DIAPH2: variants seen among roughly 807,000 people sequenced by gnomAD.
The protein encoded by DIAPH2 is protein diaphanous homolog 2.
DIAPH2 carries 35 observed loss-of-function variants against 92.7 expected under a neutral mutation model. The ratio of observed to expected loss-of-function variants is 0.38; its 90% CI spans 0.29 to 0.50. The LOEUF (loss-of-function observed/expected upper bound fraction) is 0.50. Ranked by LOEUF, DIAPH2 falls within the 20% of genes least tolerant of loss-of-function variation. DIAPH2 has a pLI of 0.94. For synonymous variants in DIAPH2, 301 were observed against 280.4 expected, an observed-to-expected ratio of 1.07 and a Z score of -0.73; for missense variants, 701 against 819.5, an observed-to-expected ratio of 0.86 and a Z score of 1.77.
chrX:97,260,288 C>T (rs1602458156), intron 23 of DIAPH2, among the ~76,000 whole-genome samples: 1 of 112,792 alleles, frequency 8.9e-6, no homozygotes, highest in East Asian at 2.8e-4. Context: ...GGAGATTTTA[C>T]TTTGCTAAAA....
chrX:97,258,249 G>A (rs965774771), intron 23 of DIAPH2, among the ~76,000 whole-genome samples: 2 of 111,985 alleles, frequency 1.8e-5, no homozygotes, highest in Admixed American at 1.9e-4. Flanking sequence ...TATGAATGAT[G>A]ACATTCTATA....
intron 26 of DIAPH2, among the ~76,000 whole-genome samples, chrX:97,441,543 C>T (rs1236420521): frequency 9.0e-6 from 1 of 111,704 alleles, no homozygotes; most frequent in African/African-American, 3.3e-5. Flanking sequence ...TGGGGCCAGG[C>T]GCAGTGGCTC....
intron 11 of DIAPH2, among the ~76,000 whole-genome samples, chrX:96,937,892 G>A (rs1366623873): frequency 1.8e-5 from 2 of 111,694 alleles, no homozygotes; most frequent in East Asian, 2.8e-4. Flanking sequence ...ATAACCTTCC[G>A]ACGGCAGCAA....
chrX:96,910,721 A>G (rs1432218975), intron 5 of DIAPH2, among the ~76,000 whole-genome samples: 1 of 111,676 alleles, frequency 9.0e-6, no homozygotes, highest in Non-Finnish European at 1.9e-5. Flanking sequence ...ATAAATATTT[A>G]GTGGCTATAT....
chrX:96,828,899 G>T (rs933521063), intron 4 of DIAPH2, among the ~76,000 whole-genome samples: 5 of 110,909 alleles, frequency 4.5e-5, no homozygotes, highest in African/African-American at 1.6e-4. Flanking sequence ...ATAGATAAAT[G>T]AAATTATTCC....
At chrX:97,190,594 A>G (rs2067644453) in intron 22 of DIAPH2, among the ~76,000 whole-genome samples, 1 of 111,235 alleles carries the variant, frequency 9.0e-6, no homozygotes, top group Non-Finnish European at 1.9e-5. Context: ...CACGCCTGTA[A>G]TCCCGGCACT....
At chrX:97,139,782 A>G (rs1274566474) in intron 21 of DIAPH2, among the ~76,000 whole-genome samples, 1 of 111,368 alleles carries the variant, frequency 9.0e-6, no homozygotes, top group Admixed American at 9.6e-5. Context: ...TTGAAAATTA[A>G]GCACTTATAA....
At chrX:97,272,029 G>T (rs762851400) in intron 23 of DIAPH2, among the ~76,000 whole-genome samples, 3 of 109,199 alleles carry the variant, frequency 2.7e-5, no homozygotes, top group Admixed American at 2.0e-4. Context: ...ATGGAGTTTC[G>T]CTCTTGTTGC....
At chrX:97,306,138 T>C (rs1342536480) in intron 23 of DIAPH2, among the ~76,000 whole-genome samples, 3 of 111,557 alleles carry the variant, frequency 2.7e-5, no homozygotes, top group South Asian at 7.5e-4. Context: ...CAGATCCAGA[T>C]TGGCAGCAAA....
intron 4 of DIAPH2, among the ~76,000 whole-genome samples, chrX:96,777,929 T>C (rs1463727681): frequency 9.1e-6 from 1 of 109,813 alleles, no homozygotes. Flanking sequence ...ATGTGCACAG[T>C]GTGCAGGTTT....
intron 24 of DIAPH2, among the ~76,000 whole-genome samples, chrX:97,383,068 C>T (rs1185181224): frequency 8.9e-6 from 1 of 112,015 alleles, no homozygotes; most frequent in African/African-American, 3.2e-5. Context: ...GTTGATATTC[C>T]AGCTGATCAC....
chrX:96,814,959 C>A (rs190650561), intron 4 of DIAPH2, among the ~76,000 whole-genome samples: 2 of 111,936 alleles, frequency 1.8e-5, no homozygotes, highest in Admixed American at 9.4e-5. Context: ...CTACTCGGAG[C>A]TGTCTCCCAG....
At chrX:97,447,226 G>C (rs186319739) in intron 26 of DIAPH2, among the ~76,000 whole-genome samples, 1 of 107,879 alleles carries the variant, frequency 9.3e-6, no homozygotes, top group Admixed American at 1.0e-4. Flanking sequence ...TAAATCTTTC[G>C]CTGAGGAATT....
chrX:97,198,265 T>TAC (rs200339851), intron 22 of DIAPH2, among the ~76,000 whole-genome samples: 4,124 of 88,972 alleles, frequency 0.046, 87 homozygotes, highest in Non-Finnish European at 0.054. Context: ...AACAACAAAA[T>TAC]ACACACACAC....
chrX:96,925,567 G>A (rs772131916), intron 9 of DIAPH2, among the ~76,000 whole-genome samples: 1 of 110,204 alleles, frequency 9.1e-6, no homozygotes, highest in South Asian at 3.9e-4. Flanking sequence ...CTTCATTATG[G>A]CCCCGTTTAA....
chrX:97,013,828 C>T (rs1345029466), intron 17 of DIAPH2, among the ~76,000 whole-genome samples: 2 of 111,726 alleles, frequency 1.8e-5, no homozygotes, highest in African/African-American at 6.5e-5. Flanking sequence ...GGGGCATGAG[C>T]TATATGACTG....
intron 9 of DIAPH2, among the ~76,000 whole-genome samples, chrX:96,919,841 T>A (rs1266656938): frequency 1.8e-5 from 2 of 108,926 alleles, no homozygotes; most frequent in Non-Finnish European, 3.8e-5. Flanking sequence ...TCAACTTTTA[T>A]GGTGTACTTT....
chrX:96,865,920 T>C (rs2065101835), intron 4 of DIAPH2, among the ~76,000 whole-genome samples: 1 of 112,096 alleles, frequency 8.9e-6, no homozygotes, highest in Non-Finnish European at 1.9e-5. Flanking sequence ...CATTTATTTA[T>C]ATTTAAATCC....
At chrX:96,686,559 C>T (rs1258884216) in intron 1 of DIAPH2, among the ~76,000 whole-genome samples, 1 of 111,538 alleles carries the variant, frequency 9.0e-6, no homozygotes, top group African/African-American at 3.3e-5. Context: ...TTCACTGTTC[C>T]GGTTCCTAGC....
Sources: allele counts gnomAD v4.1 joint callset (sites outside exome capture counted in the v4.1 genomes callset), GRCh38; gene constraint gnomAD v4.1.1; transcripts MANE v1.5; gene names NCBI Gene and HGNC (gene_info 2026-07-23, HGNC 2026-07-21).